CHMP5: variants seen among roughly 807,000 people sequenced by gnomAD.
CHMP5 encodes SNF7 domain containing 2.
In CHMP5, 17 loss-of-function variants were observed where a neutral mutation model predicts 33.0. The ratio of observed to expected loss-of-function variants is 0.52; its 90% CI spans 0.35 to 0.77. The LOEUF (loss-of-function observed/expected upper bound fraction) is 0.77. Among genes scored for constraint, CHMP5 ranks in the 30% least tolerant of loss-of-function variants. The pLI is 0.01. For synonymous variants in CHMP5, 76 were observed against 90.2 expected (o/e 0.84, Z 0.89); for missense variants, 216 against 261.5 (o/e 0.83, Z 1.20).
At position 33,265,939 on chromosome 9, in the gene CHMP5, C is replaced by G. The variant is rs1008743980; in HGVS notation, c.70-71C>G. ...CCTCTTTTCTTCCTCTGTATTCCTT[C>G]CTCTCTACCTGCCCCTTCTGGAATA... On this transcript the variant is annotated intron_variant, in intron 1 of 7. Transcript: ENST00000223500. 43 of 957,298 alleles carry G rather than the reference C, an allele frequency of 4.5e-5. No homozygotes were observed. In the South Asian group the frequency reaches 5.9e-4, roughly 13 times the overall value. The allele number at this position is 957,298 out of a possible 1,614,324, so 59.3% of individuals were successfully genotyped here. A position where few individuals can be genotyped will look rare whatever the true frequency, so the allele number is the denominator to read the frequency against.
Position 33,280,997 on chromosome 9 carries a change from A to AT in CHMP5, c.*144dup, listed in dbSNP as rs1820915824. 2 of 551,844 alleles carry AT rather than the reference A, an allele frequency of 3.6e-6. No individual in the cohort carries two copies. Among genetic ancestry groups the AT allele is most frequent in the South Asian group, 3.9e-5 (1 of 25,784 alleles). The allele number at this position is 551,844 out of a possible 1,614,324, so 34.2% of individuals were successfully genotyped here. A position where few individuals can be genotyped will look rare whatever the true frequency, so the allele number is the denominator to read the frequency against. On this transcript the variant is annotated 3_prime_UTR_variant, in exon 8 of 8. Transcript: ENST00000223500. Reference sequence around the variant, plus strand: ...GAAAGTTTAATTACATTGCTCTTTTATTTTTTCCATTAAGAGACTCATTGC... The same window carrying AT: ...GAAAGTTTAATTACATTGCTCTTTTATTTTTTTCCATTAAGAGACTCATTGC...
At chr9:33,271,463 T>A (rs1243209734) in intron 5 of CHMP5, among the ~76,000 whole-genome samples, 1 of 152,226 alleles carries the variant, frequency 6.6e-6, no homozygotes, top group Non-Finnish European at 1.5e-5. Context: ...GATTTTTCAG[T>A]TTGATGATGG....
At chr9:33,271,633 T>G (rs773892835) in intron 5 of CHMP5, among the ~76,000 whole-genome samples, 10 of 152,224 alleles carry the variant, frequency 6.6e-5, no homozygotes, top group Non-Finnish European at 1.3e-4. Context: ...TAGGCTAATG[T>G]AAGTGTTCTG....
intron 7 of CHMP5, among the ~76,000 whole-genome samples, 164 bp downstream of exon 7, chr9:33,278,389 A>T (rs1015716696): frequency 1.3e-5 from 2 of 152,238 alleles, no homozygotes; most frequent in Non-Finnish European, 2.9e-5. Context: ...GCATTGGATG[A>T]TGAACTGACT....
intron 5 of CHMP5, among the ~76,000 whole-genome samples, chr9:33,274,317 G>A (rs757549891): frequency 3.7e-4 from 56 of 152,034 alleles, no homozygotes; most frequent in South Asian, 8.3e-4. Flanking sequence ...CAAGTGATCC[G>A]CCCTCTTTTG....
intron 3 of CHMP5, among the ~76,000 whole-genome samples, chr9:33,270,372 A>G (rs1196478682): frequency 6.6e-6 from 1 of 152,248 alleles, no homozygotes; most frequent in Admixed American, 6.5e-5. Context: ...CATATTTCTC[A>G]GAACATATCC....
At chr9:33,280,163 G>C (rs757280158) in intron 7 of CHMP5, among the ~76,000 whole-genome samples, 1 of 152,082 alleles carries the variant, frequency 6.6e-6, no homozygotes, top group Non-Finnish European at 1.5e-5. Flanking sequence ...TTTTAATAGA[G>C]ATGGGATTTC....
intron 2 of CHMP5, among the ~76,000 whole-genome samples, chr9:33,266,658 A>G (rs948497116): frequency 4.6e-5 from 7 of 152,194 alleles, no homozygotes; most frequent in African/African-American, 1.7e-4. Context: ...GTCTAAAAGC[A>G]TGTACATGAG....
chr9:33,268,026 T>G (rs1820748092), intron 3 of CHMP5, 127 bp downstream of exon 3: 1 of 692,356 alleles, frequency 1.4e-6, no homozygotes, highest in Non-Finnish European at 2.5e-6. Context: ...CATTGACGTG[T>G]AATTAAATAC....
chr9:33,280,157 A>T (rs1162716756), intron 7 of CHMP5, among the ~76,000 whole-genome samples: 1 of 151,938 alleles, frequency 6.6e-6, no homozygotes, highest in Non-Finnish European at 1.5e-5. Context: ...TTTTGTTTTT[A>T]ATAGAGATGG....
chr9:33,269,020 TTTGC>T (rs1820761649), intron 3 of CHMP5, among the ~76,000 whole-genome samples: 1 of 152,226 alleles, frequency 6.6e-6, no homozygotes, highest in Non-Finnish European at 1.5e-5. Flanking sequence ...TATTCTACCA[TTTGC>T]TTGCACCATG....
At chr9:33,272,866 G>A (rs1479664937) in intron 5 of CHMP5, among the ~76,000 whole-genome samples, 1 of 152,102 alleles carries the variant, frequency 6.6e-6, no homozygotes, top group African/African-American at 2.4e-5. Context: ...CTCTTAGGTT[G>A]CCTTTGTCTG....
rs528078628 is a variant in CHMP5 at position 33,278,539 on chromosome 9, C to T, written c.609+314C>T. 5.9e-5 allele frequency among the ~76,000 whole-genome samples: 9 copies of T among 152,338 alleles called. No homozygotes were observed. The South Asian group carries it at 1.9e-3, about 32-fold the overall frequency. On this transcript the variant is annotated intron_variant, in intron 7 of 7. Transcript: ENST00000223500. ...ATTTCCTGTAAAAGCGTAAGCAACACATGCATGAGACTTGCTAGGCAGCAG... is the reference window on the plus strand; with the variant it reads ...ATTTCCTGTAAAAGCGTAAGCAACATATGCATGAGACTTGCTAGGCAGCAG...
In CHMP5 at chr9:33,265,145, A is replaced by C. The variant is rs1239487187; in HGVS notation, c.67A>C (p.Thr23Pro). The change falls in exon 1 of 8, where the codon ACG becomes CCG. Residue 23 changes from threonine to proline, a missense_variant and splice_region_variant. Thr to Pro is a conservative substitution (Grantham distance 38). Transcript: ENST00000223500. Reference sequence around the variant, plus strand: ...GCCCAGCCTGACTGACTGCATTGGCACGGTGGGCATTTGATCATGCATAAG... The same window carrying C: ...GCCCAGCCTGACTGACTGCATTGGCCCGGTGGGCATTTGATCATGCATAAG... ...PPPSLTDCIG[T>P]VDSRAESIDK... 9 of 1,613,952 alleles carry C rather than the reference A, an allele frequency of 5.6e-6. No individual in the cohort carries two copies. The highest frequency in any genetic ancestry group is 1.3e-5 in the African/African-American group (1 of 74,898).
chr9:33,271,167 C>T lies in CHMP5; in HGVS notation c.331C>T (p.Leu111=), dbSNP rs762796957. ...DTKTTVDAMK[L]GVKEMKKAYK... is the part of the protein sequence containing the mutation. ...CTTTTCTTAGGTTGATGCTATGAAA[C>T]TGGGAGTAAAGGAAATGAAGAAGGC... Residue 111 remains leucine (L), a synonymous_variant, in exon 5 of 8, where the codon CTG becomes TTG. Transcript: ENST00000223500. 3 of 1,613,204 alleles carry T rather than the reference C, an allele frequency of 1.9e-6. No individual in the cohort carries two copies. In the South Asian group the frequency reaches 3.3e-5, roughly 18 times the overall value.
intron 3 of CHMP5, among the ~76,000 whole-genome samples, chr9:33,268,452 C>G (rs760042382): frequency 4.1e-4 from 62 of 152,194 alleles, no homozygotes; most frequent in Non-Finnish European, 7.2e-4. Context: ...GTGCCTACCT[C>G]TGTAGACTGT....
chr9:33,265,795 G>C (rs1003525055), intron 1 of CHMP5, among the ~76,000 whole-genome samples: 1 of 152,168 alleles, frequency 6.6e-6, no homozygotes, highest in African/African-American at 2.4e-5. Flanking sequence ...AAGGCTACCT[G>C]GTATATCAGA....
At chr9:33,267,996 T>C (rs1820747744) in intron 3 of CHMP5, 97 bp downstream of exon 3, 2 of 806,196 alleles carry the variant, frequency 2.5e-6, no homozygotes, top group Non-Finnish European at 4.2e-6. Context: ...CTAAGCACTC[T>C]TGATTTAATT....
intron 4 of CHMP5, among the ~76,000 whole-genome samples, 168 bp downstream of exon 4, chr9:33,270,884 C>A (rs891181883): frequency 6.6e-6 from 1 of 152,140 alleles, no homozygotes; most frequent in Non-Finnish European, 1.5e-5. Context: ...GAGTTTGAGA[C>A]CAGCCTGACC....
Sources: allele counts gnomAD v4.1 joint callset (sites outside exome capture counted in the v4.1 genomes callset), GRCh38; gene constraint gnomAD v4.1.1; transcripts MANE v1.5; gene names NCBI Gene and HGNC (gene_info 2026-07-23, HGNC 2026-07-21).